PCDHA12: variants seen among roughly 807,000 people sequenced by gnomAD.
PCDHA12 encodes protocadherin alpha-12.
A neutral mutation model predicts 60.0 loss-of-function variants in PCDHA12; 44 were observed. The observed-to-expected ratio is 0.73, with a 90% CI of 0.58 to 0.94. The LOEUF (loss-of-function observed/expected upper bound fraction) is 0.94. Among genes scored for constraint, PCDHA12 ranks in the 40% least tolerant of loss-of-function variants. The pLI is 0.00. For synonymous variants in PCDHA12, 569 were observed against 553.0 expected, an observed-to-expected ratio of 1.03 and a Z score of -0.40; for missense variants, 1,276 against 1,239.7, an observed-to-expected ratio of 1.03 and a Z score of -0.44.
chr5:141,010,405 C>A lies in PCDHA12; in HGVS notation c.*468C>A. The A allele has an allele frequency of 7.9e-7, 1 of 1,260,098 alleles. No homozygotes were observed. The highest frequency in any genetic ancestry group is 1.1e-6 in the Non-Finnish European group (1 of 934,062). The allele number at this position is 1,260,098 out of a possible 1,614,324, so 78.1% of individuals were successfully genotyped here. On this transcript the variant is annotated 3_prime_UTR_variant, in exon 4 of 4. Transcript: ENST00000398631. ...ATTGGCTGAGACGAGCCAGCTTAGACTAATTGGTACAAGGAAGGCAAGAAA... is the reference window on the plus strand; with the variant it reads ...ATTGGCTGAGACGAGCCAGCTTAGAATAATTGGTACAAGGAAGGCAAGAAA...
chr5:140,977,077 C>A (rs1303374839), intron 1 of PCDHA12, among the ~76,000 whole-genome samples: 1 of 152,138 alleles, frequency 6.6e-6, no homozygotes, highest in Non-Finnish European at 1.5e-5. Context: ...AGCAGCATGA[C>A]AAATTAAATG....
At chr5:140,974,040 T>C (rs1554235767) in intron 1 of PCDHA12, among the ~76,000 whole-genome samples, 2 of 152,260 alleles carry the variant, frequency 1.3e-5, no homozygotes, top group African/African-American at 4.8e-5. Context: ...TTTAGCTTAT[T>C]AATATGATAA....
At chr5:140,904,547 T>C (rs1313461939) in intron 1 of PCDHA12, among the ~76,000 whole-genome samples, 1 of 152,116 alleles carries the variant, frequency 6.6e-6, no homozygotes, top group African/African-American at 2.4e-5. Flanking sequence ...ATCTTTTTCA[T>C]ATAATGACTT....
At chr5:140,967,150 C>T (rs1400431511) in intron 1 of PCDHA12, 1 of 1,611,004 alleles carries the variant, frequency 6.2e-7, no homozygotes, top group Non-Finnish European at 8.5e-7. Context: ...CGCACAACCC[C>T]GTGGCGGTGA....
chr5:140,877,810 C>A lies in PCDHA12; in HGVS notation c.2338C>A (p.Arg780=), dbSNP rs782370638. 9 of 1,610,248 alleles carry A rather than the reference C, an allele frequency of 5.6e-6. No individual in the cohort carries two copies. Among genetic ancestry groups the A allele is most frequent in the Non-Finnish European group, 6.8e-6 (8 of 1,178,682 alleles). Residue 780 remains arginine, a synonymous_variant, in exon 1 of 4, where the codon CGA becomes AGA. Transcript: ENST00000398631. ...CTTCAGCCCAAGCCTTCAGCTGTCT[C>A]GAGAAGATTGTTTAAATCCTCCCAG... is the stretch of plus-strand genomic sequence containing the variant. ...MAFSPSLQLS[R]EDCLNPPSEP... is the part of the protein sequence containing the mutation.
chr5:140,950,944 T>C (rs2094535037), intron 1 of PCDHA12, among the ~76,000 whole-genome samples: 1 of 152,090 alleles, frequency 6.6e-6, no homozygotes, highest in Admixed American at 6.5e-5. Flanking sequence ...TCAGATTGGA[T>C]CATTTCTATT....
intron 1 of PCDHA12, among the ~76,000 whole-genome samples, chr5:140,917,501 A>G (rs557906425): frequency 6.6e-6 from 1 of 152,020 alleles, no homozygotes; most frequent in East Asian, 1.9e-4. Context: ...CCAGAATGAT[A>G]TTTTCTAGGT....
chr5:140,951,237 T>G (rs1405165070), intron 1 of PCDHA12, among the ~76,000 whole-genome samples: 2 of 152,200 alleles, frequency 1.3e-5, no homozygotes, highest in African/African-American at 4.8e-5. Flanking sequence ...GTCTTTACCT[T>G]TAGGAATGCA....
rs782527674 is a variant in PCDHA12 at position 140,876,124 on chromosome 5, G to A, written c.652G>A (p.Gly218Ser). 162 of 1,613,780 alleles carry A rather than the reference G, an allele frequency of 1.0e-4. No individual in the cohort carries two copies. The highest frequency in any genetic ancestry group is 1.3e-4 in the Non-Finnish European group (152 of 1,179,892). ...LNLLLMVIDG[G>S]KPELTGSVQI... is the part of the protein sequence containing the mutation. ...TTTATTGCTGATGGTAATCGATGGC[G>A]GTAAACCAGAACTAACAGGGTCTGT... Residue 218 changes from glycine to serine, a missense_variant, in exon 1 of 4, where the codon GGT (glycine) becomes AGT (serine). Physicochemically the swap from Gly to Ser is moderately conservative, Grantham distance 56 (BLOSUM62 0). Coordinates refer to ENST00000398631, the MANE Select transcript of PCDHA12 (RefSeq NM_018903.4).
At chr5:140,984,783 G>A (rs2097120793) in intron 3 of PCDHA12, among the ~76,000 whole-genome samples, 1 of 152,152 alleles carries the variant, frequency 6.6e-6, no homozygotes, top group African/African-American at 2.4e-5. Flanking sequence ...CTTGCTGGGT[G>A]AGCATAGACA....
chr5:140,920,570 G>A (rs2153557888), intron 1 of PCDHA12, among the ~76,000 whole-genome samples: 1 of 152,186 alleles, frequency 6.6e-6, no homozygotes, highest in Non-Finnish European at 1.5e-5. Flanking sequence ...CTTAGGCCAG[G>A]AGCAGTGGCT....
intron 1 of PCDHA12, among the ~76,000 whole-genome samples, chr5:140,945,058 C>A (rs939271004): frequency 1.3e-5 from 2 of 151,996 alleles, no homozygotes; most frequent in Non-Finnish European, 2.9e-5. Flanking sequence ...AAAGAAAACC[C>A]TACAGACTCC....
At chr5:140,891,052 A>T (rs1554184638) in intron 1 of PCDHA12, among the ~76,000 whole-genome samples, 1 of 152,200 alleles carries the variant, frequency 6.6e-6, no homozygotes, top group Non-Finnish European at 1.5e-5. Flanking sequence ...CCCACAGCAC[A>T]TAGTAAATAT....
intron 1 of PCDHA12, chr5:140,927,755 C>T (rs1388061408): frequency 6.2e-7 from 1 of 1,614,196 alleles, no homozygotes; most frequent in South Asian, 1.1e-5. Flanking sequence ...CACGTGCACC[C>T]TAAAAGTGGG....
chr5:140,895,225 G>GT, intron 1 of PCDHA12, among the ~76,000 whole-genome samples: 1 of 152,168 alleles, frequency 6.6e-6, no homozygotes, highest in African/African-American at 2.4e-5. Context: ...ATTTTACTGA[G>GT]TTTTCTCATC....
At chr5:140,964,721 C>T (rs2095851062) in intron 1 of PCDHA12, among the ~76,000 whole-genome samples, 1 of 151,598 alleles carries the variant, frequency 6.6e-6, no homozygotes, top group East Asian at 1.9e-4. Flanking sequence ...CAAATTACCA[C>T]AGCAAACTGA....
Position 140,881,379 on chromosome 5 carries a change from C to T in PCDHA12, c.2367+3540C>T, listed in dbSNP as rs1235654163. ...TGGCTTTCGTATGAATTGCAGCCGG[C>T]GGCGGTAAGTTAAATTCTATTAAAT... On this transcript the variant is annotated intron_variant, in intron 1 of 3. Transcript: ENST00000398631. The T allele has an allele frequency of 7.1e-6, 7 of 984,332 alleles. No individual in the cohort carries two copies. In the African/African-American group the frequency reaches 1.0e-4, roughly 15 times the overall value. 61.0% of individuals were successfully genotyped at this position (984,332 alleles called of 1,614,324 possible).
In PCDHA12 at chr5:140,922,223, C is replaced by T. The variant is rs115262412; in HGVS notation, c.2367+44384C>T. 8.0e-3 allele frequency among the ~76,000 whole-genome samples: 1,216 copies of T among 152,128 alleles called. 6 individuals are homozygous for T. Among genetic ancestry groups the T allele is most frequent in the African/African-American group, 0.019 (784 of 41,508 alleles). ...ATGAAACTTTGTAAAACATTTGAAC[C>T]TCAACCATGATGTGTATGAAGATAA... On this transcript the variant is annotated intron_variant, in intron 1 of 3. Transcript: ENST00000398631.
At chr5:140,968,621 T>C (rs782017664) in intron 1 of PCDHA12, 11 of 1,614,190 alleles carry the variant, frequency 6.8e-6, no homozygotes, top group Non-Finnish European at 8.5e-6. Context: ...GCAAAATGCT[T>C]GGCTTTTTTA....
Sources: allele counts gnomAD v4.1 joint callset (sites outside exome capture counted in the v4.1 genomes callset), GRCh38; gene constraint gnomAD v4.1.1; transcripts MANE v1.5; gene names NCBI Gene and HGNC (gene_info 2026-07-23, HGNC 2026-07-21).